Variants in NLRC4 observed in about 807,000 individuals in gnomAD.
The protein encoded by NLRC4 is NLR family CARD domain containing 4.
NLRC4 carries 63 observed loss-of-function variants against 79.9 expected under a neutral mutation model. The observed-to-expected ratio is 0.79, with a 90% CI of 0.64 to 0.97. NLRC4 has a LOEUF of 0.97. Among genes scored for constraint, NLRC4 ranks in the 50% least tolerant of loss-of-function variants. NLRC4 has a pLI of 0.00. For missense variants in NLRC4, 1,074 were observed against 1,215.2 expected (o/e 0.88, Z 1.73); for synonymous variants, 461 against 456.5 (o/e 1.01, Z -0.12).
At position 32,250,852 on chromosome 2, in the gene NLRC4, G is replaced by C; in HGVS notation, c.1012C>G (p.Pro338Ala). 6.2e-7 allele frequency: 1 copy of C among 1,614,172 alleles called. No homozygotes were observed. The highest frequency in any genetic ancestry group is 8.5e-7 in the Non-Finnish European group (1 of 1,180,040). ...SRCLRNLMKT[P>A]LFVVITCAIQ... ...GCACAAGTGATGACCACAAAGAGAGGGGTCTTCATGAGATTCCTCAAGCAC... is the reference window on the plus strand; with the variant it reads ...GCACAAGTGATGACCACAAAGAGAGCGGTCTTCATGAGATTCCTCAAGCAC... The change falls in exon 4 of 9, where the codon CCT becomes GCT. Residue 338 changes from proline to alanine, a missense_variant. By Grantham distance (27) the Pro-to-Ala change is conservative. Coordinates refer to ENST00000402280, the MANE Select transcript of NLRC4 (RefSeq NM_001199138.2). The surrounding 1 kb of genome is among the most constrained non-coding windows in gnomAD (Gnocchi z 4.9).
rs769895840 is a variant in NLRC4, at chr2:32,238,194, C to T, written c.2459G>A (p.Cys820Tyr). The T allele has an allele frequency of 6.2e-7, 1 of 1,613,872 alleles. No individual in the cohort carries two copies. Among genetic ancestry groups the T allele is most frequent in the Non-Finnish European group, 8.5e-7 (1 of 1,179,870 alleles). Residue 820 changes from cysteine (C) to tyrosine (Y), a missense_variant, in exon 6 of 9, where the codon TGT becomes TAT. Transcript: ENST00000402280. The part of the protein sequence containing the change: ...YIVKSLSSEP[C>Y]DLEEIQLVSC... ...GACTAATTGAATTTCTTCAAGGTCA[C>T]AGGGTTCACTTGACAGAGACTTGAC...
chr2:32,246,976 T>C (rs962849946), intron 4 of NLRC4, among the ~76,000 whole-genome samples: 4 of 152,182 alleles, frequency 2.6e-5, no homozygotes, highest in South Asian at 2.1e-4. Flanking sequence ...CTTCCTATTG[T>C]GTCCAGGCTG....
chr2:32,241,135 G>C lies in NLRC4; in HGVS notation c.2258-10C>G, dbSNP rs760552560. The stretch of plus-strand genomic sequence containing the variant: ...CTGTCAGTCAGACCACCTGTCAAAA[G>C]AAAAAAGATTGGACTCTTTCAGCAG... On this transcript the variant is annotated splice_polypyrimidine_tract_variant and intron_variant, in intron 4 of 8. Coordinates refer to ENST00000402280, the MANE Select transcript of NLRC4 (RefSeq NM_001199138.2). 4 of 1,544,086 alleles carry C rather than the reference G, an allele frequency of 2.6e-6. No individual in the cohort carries two copies. The highest frequency in any genetic ancestry group is 1.1e-5 in the South Asian group (1 of 87,560).
chr2:32,242,903 CCAGGTGTGGTGG>C (rs1010758430), intron 4 of NLRC4, among the ~76,000 whole-genome samples: 3 of 151,760 alleles, frequency 2.0e-5, no homozygotes, highest in Admixed American at 1.3e-4. Flanking sequence ...TTTAAATTAC[CCAGGTGTGGTGG>C]CAGGTGTGAG....
chr2:32,250,546 T>C lies in NLRC4; in HGVS notation c.1318A>G (p.Lys440Glu). 6.2e-7 allele frequency: 1 copy of C among 1,614,242 alleles called. No individual in the cohort carries two copies. Among genetic ancestry groups the C allele is most frequent in the Non-Finnish European group, 8.5e-7 (1 of 1,180,050 alleles). Residue 440 changes from lysine (K) to glutamate (E), a missense_variant, in exon 4 of 9, where the codon AAA becomes GAA. Physicochemically the swap from Lys to Glu is moderately conservative, Grantham distance 56. Transcript: ENST00000402280. The surrounding 1 kb of genome is among the most constrained non-coding windows in gnomAD (Gnocchi z 4.9). ...TCCTGGAATGACTTGTGAAAGAATT[T>C]ATACTTTGGCTTGAACCTTTGAGCT... ...YTAQRFKPKY[K>E]FFHKSFQEYT...
chr2:32,257,430 A>C (rs1687232817), intron 1 of NLRC4, among the ~76,000 whole-genome samples: 1 of 151,994 alleles, frequency 6.6e-6, no homozygotes, highest in Non-Finnish European at 1.5e-5. Context: ...CAACATGGTG[A>C]ATCCTGTCTC....
intron 5 of NLRC4, among the ~76,000 whole-genome samples, chr2:32,240,567 G>A (rs1686776313): frequency 6.6e-6 from 1 of 151,772 alleles, no homozygotes; most frequent in Admixed American, 6.6e-5. Context: ...TTTTTGATTG[G>A]GGAAACACAA....
chr2:32,253,680 G>T (rs2148944514), intron 2 of NLRC4, among the ~76,000 whole-genome samples: 1 of 151,932 alleles, frequency 6.6e-6, no homozygotes, highest in Non-Finnish European at 1.5e-5. Context: ...ATTACGTGCT[G>T]CTGGCCGGGT....
chr2:32,236,399 A>T (rs1686674764), intron 6 of NLRC4, 60 bp from the exon 7 acceptor site: 2 of 1,006,128 alleles, frequency 2.0e-6, no homozygotes, highest in Non-Finnish European at 2.9e-6. Flanking sequence ...ATGTATTTTG[A>T]AGTATCCTTA....
At chr2:32,238,839 A>T (rs982726748) in intron 5 of NLRC4, among the ~76,000 whole-genome samples, 10 of 152,196 alleles carry the variant, frequency 6.6e-5, no homozygotes, top group African/African-American at 2.4e-4. Context: ...GATTTACCTT[A>T]TATCAACAGT....
chr2:32,260,816 G>A (rs559477138), intron 1 of NLRC4, among the ~76,000 whole-genome samples: 4 of 152,264 alleles, frequency 2.6e-5, no homozygotes, highest in East Asian at 1.9e-4. Flanking sequence ...TTCTTCGTGC[G>A]CTATGCAAAC....
chr2:32,263,278 C>G (rs891415313), intron 1 of NLRC4, among the ~76,000 whole-genome samples: 2 of 152,162 alleles, frequency 1.3e-5, no homozygotes, highest in Non-Finnish European at 2.9e-5. Flanking sequence ...GTAAGTATCC[C>G]TAGACATGTT....
At chr2:32,256,533 A>T (rs1403022547) in intron 2 of NLRC4, among the ~76,000 whole-genome samples, 2 of 152,212 alleles carry the variant, frequency 1.3e-5, no homozygotes, top group Non-Finnish European at 2.9e-5. Context: ...AGGTGATGAG[A>T]ACTAACAGTT....
chr2:32,254,171 A>C (rs1209205560), intron 2 of NLRC4, among the ~76,000 whole-genome samples: 3 of 151,984 alleles, frequency 2.0e-5, no homozygotes, highest in Non-Finnish European at 4.4e-5. Flanking sequence ...TCACAGTAAC[A>C]ACCAGCTCCA....
intron 2 of NLRC4, among the ~76,000 whole-genome samples, 183 bp from the exon 3 acceptor site, chr2:32,252,862 C>CA (rs1687114536): frequency 6.6e-6 from 1 of 151,868 alleles, no homozygotes; most frequent in Non-Finnish European, 1.5e-5. Flanking sequence ...ACTAAAAATA[C>CA]AAAAAATTAG....
At chr2:32,234,933 C>CAGT (rs1463657493) in intron 8 of NLRC4, among the ~76,000 whole-genome samples, 1 of 152,236 alleles carries the variant, frequency 6.6e-6, no homozygotes, top group African/African-American at 2.4e-5. Flanking sequence ...CTTTCATCAA[C>CAGT]TGCCTGAGGT....
intron 2 of NLRC4, 74 bp downstream of exon 2, chr2:32,256,701 A>T: frequency 1.3e-6 from 1 of 748,512 alleles, no homozygotes; most frequent in Non-Finnish European, 2.5e-6. Flanking sequence ...CCATGAACTG[A>T]TTTTCCATTT....
intron 5 of NLRC4, among the ~76,000 whole-genome samples, chr2:32,240,323 G>A (rs542410568): frequency 6.7e-6 from 1 of 150,200 alleles, no homozygotes; most frequent in Non-Finnish European, 1.5e-5. Flanking sequence ...TCTTTCGGCA[G>A]GAAGCAGAAT....
At chr2:32,261,675 C>T (rs904494254) in intron 1 of NLRC4, among the ~76,000 whole-genome samples, 3 of 152,024 alleles carry the variant, frequency 2.0e-5, no homozygotes, top group Middle Eastern at 3.4e-3. Flanking sequence ...CGTGAGACAA[C>T]GAACATCAGG....
Sources: gnomAD v4.1 joint callset for allele counts (sites outside exome capture counted in the v4.1 genomes callset) on GRCh38, gnomAD v4.1.1 for gene constraint, Gnocchi (gnomAD v3.1) non-coding constraint, MANE v1.5 for transcripts, NCBI Gene and HGNC (gene_info 2026-07-23, HGNC 2026-07-21) for gene names.